ASZ1: variants seen among roughly 807,000 people sequenced by gnomAD.
The protein encoded by ASZ1 is ankyrin repeat, SAM and basic leucine zipper domain containing 1.
In ASZ1, 67 loss-of-function variants were observed where a neutral mutation model predicts 61.8. That is an observed-to-expected ratio of 1.08 (90% confidence interval 0.89 to 1.33). The LOEUF (loss-of-function observed/expected upper bound fraction) is 1.33. ASZ1 is among the 40% of genes most tolerant of loss of function. ASZ1 has a pLI of 0.00. For synonymous variants in ASZ1, 193 were observed against 192.7 expected (o/e 1.00, Z -0.01); for missense variants, 577 against 554.5 (o/e 1.04, Z -0.41).
At chr7:117,368,474 A>T in intron 11 of ASZ1, 138 bp downstream of exon 11, 1 of 1,418,340 alleles carries the variant, frequency 7.1e-7, no homozygotes, top group Non-Finnish European at 9.2e-7. Flanking sequence ...AAATTGACTT[A>T]TTTAGATCTT....
At position 117,380,026 on chromosome 7, in the gene ASZ1, G is replaced by A; in HGVS notation, c.967C>T (p.Gln323Ter). ...TTAAGAGCAGCCAGAATTTTCTGCT[G>A]GTCTTTACTGGTAATTCCATTCTAA... ...FTKNGITSKDQQKILAALKEL... is the reference protein window; with the variant it reads ...FTKNGITSKD Residue 323 changes from glutamine (Q) to a stop codon, truncating the protein, a stop_gained, in exon 10 of 13, where the codon CAG (glutamine) becomes TAG (stop). Transcript: ENST00000284629. LOFTEE classifies it high-confidence loss of function. 6.3e-7 allele frequency: 1 copy of A among 1,595,350 alleles called. No homozygotes were observed. The highest frequency in any genetic ancestry group is 8.6e-7 in the Non-Finnish European group (1 of 1,167,470).
At chr7:117,410,260 G>A (rs1177398628) in intron 4 of ASZ1, among the ~76,000 whole-genome samples, 2 of 151,534 alleles carry the variant, frequency 1.3e-5, no homozygotes, top group Non-Finnish European at 3.0e-5. Context: ...CAAAATCAGT[G>A]AAACAAATTT....
intron 4 of ASZ1, among the ~76,000 whole-genome samples, chr7:117,392,405 T>C (rs1175781242): frequency 2.6e-5 from 4 of 152,202 alleles, no homozygotes; most frequent in Non-Finnish European, 5.9e-5. Flanking sequence ...TTTACCTTCT[T>C]GGTTAGATGT....
chr7:117,413,506 A>G (rs986833511), intron 4 of ASZ1, among the ~76,000 whole-genome samples: 5 of 152,082 alleles, frequency 3.3e-5, no homozygotes, highest in Non-Finnish European at 7.4e-5. Context: ...TTAAATTTCC[A>G]TATTTGCCAG....
chr7:117,420,136 AT>A (rs762534246), intron 4 of ASZ1, 26 bp downstream of exon 4: 5 of 1,535,320 alleles, frequency 3.3e-6, no homozygotes. Context: ...TTTGACTTGA[AT>A]TTTGAACAGA....
chr7:117,379,700 C>G lies in ASZ1; in HGVS notation c.1055+238G>C, dbSNP rs115060292. Among the ~76,000 whole-genome samples, 1,198 of 151,798 alleles carry G rather than the reference C, an allele frequency of 7.9e-3. 18 individuals are homozygous for G. The highest frequency in any genetic ancestry group is 0.027 in the African/African-American group (1,135 of 41,504). On this transcript the variant is annotated intron_variant, in intron 10 of 12. Transcript: ENST00000284629. ...AGCAAGATGCAATGAAAAAATAAAA[C>G]AAAAATATTTCTATGTGAGTTAACA...
At chr7:117,401,379 CTG>C (rs1455042926) in intron 4 of ASZ1, among the ~76,000 whole-genome samples, 103 of 109,760 alleles carry the variant, frequency 9.4e-4, no homozygotes, top group African/African-American at 4.8e-3. Context: ...CATAGCAAAG[CTG>C]TTTTTTTTTT....
intron 7 of ASZ1, 35 bp downstream of exon 7, chr7:117,382,951 T>C: frequency 6.7e-6 from 10 of 1,488,768 alleles, no homozygotes; most frequent in Non-Finnish European, 9.0e-6. Flanking sequence ...ATTTTACTTA[T>C]AGGTATTCTG....
chr7:117,370,634 G>T (rs139296943), intron 10 of ASZ1, among the ~76,000 whole-genome samples: 148 of 152,162 alleles, frequency 9.7e-4, no homozygotes, highest in African/African-American at 3.3e-3. Context: ...TAACAAATAT[G>T]GGAATACAAT....
chr7:117,404,415 T>G lies in ASZ1; in HGVS notation c.440+15748A>C, dbSNP rs932514068. On this transcript the variant is annotated intron_variant, in intron 4 of 12. Transcript: ENST00000284629. ...CACTCTGATAAGCCCCTTGACTGTTTCCTTTTTTTTTTTTTTGACTCCTTT... is the reference window on the plus strand; with the variant it reads ...CACTCTGATAAGCCCCTTGACTGTTGCCTTTTTTTTTTTTTTGACTCCTTT... Among the ~76,000 whole-genome samples the G allele has an allele frequency of 8.9e-4, 98 of 110,716 alleles. 1 individual carries two copies. Among genetic ancestry groups the G allele is most frequent in the African/African-American group, 5.5e-3 (98 of 17,980 alleles). 72.6% of individuals were successfully genotyped at this position (110,716 alleles called of 152,430 possible). A position where few individuals can be genotyped will look rare whatever the true frequency, so the allele number is the denominator to read the frequency against.
intron 1 of ASZ1, 79 bp from the exon 2 acceptor site, chr7:117,427,014 T>C: frequency 7.2e-7 from 1 of 1,379,848 alleles, no homozygotes; most frequent in Non-Finnish European, 9.8e-7. Context: ...TAATGTTTGG[T>C]TAAGTACACA....
chr7:117,425,557 C>T (rs576774920), intron 2 of ASZ1, among the ~76,000 whole-genome samples: 9 of 151,986 alleles, frequency 5.9e-5, no homozygotes, highest in African/African-American at 1.7e-4. Context: ...CGTGAGCCAC[C>T]GCGCCCGGCC....
chr7:117,421,363 C>A (rs1797096612), intron 3 of ASZ1, among the ~76,000 whole-genome samples: 1 of 152,004 alleles, frequency 6.6e-6, no homozygotes, highest in Non-Finnish European at 1.5e-5. Context: ...TAAGTGTGTG[C>A]CACCACCCCT....
At chr7:117,421,482 T>C (rs1411025749) in intron 3 of ASZ1, among the ~76,000 whole-genome samples, 1 of 152,170 alleles carries the variant, frequency 6.6e-6, no homozygotes, top group East Asian at 1.9e-4. Context: ...CCCAAAGTGC[T>C]ATTGCTAGGA....
At chr7:117,368,166 A>C in intron 11 of ASZ1, 1 of 804,262 alleles carries the variant, frequency 1.2e-6, no homozygotes, top group Non-Finnish European at 1.5e-6. Context: ...GCCTCAAGCA[A>C]TTCTCCCACG....
chr7:117,387,538 A>G (rs1229726544), intron 4 of ASZ1, among the ~76,000 whole-genome samples: 2 of 152,124 alleles, frequency 1.3e-5, no homozygotes, highest in African/African-American at 4.8e-5. Flanking sequence ...CATTAACCAC[A>G]TTACTCAGGC....
chr7:117,426,587 G>C (rs1797220893), intron 2 of ASZ1, among the ~76,000 whole-genome samples: 1 of 151,902 alleles, frequency 6.6e-6, no homozygotes, highest in Non-Finnish European at 1.5e-5. Flanking sequence ...GAGTGGGATA[G>C]GATTAGAGTA....
intron 10 of ASZ1, among the ~76,000 whole-genome samples, chr7:117,372,747 T>C (rs944107352): frequency 1.3e-5 from 2 of 152,218 alleles, no homozygotes; most frequent in African/African-American, 4.8e-5. Flanking sequence ...TGACTGGTAC[T>C]ATTTTCTCTC....
At chr7:117,419,891 G>C (rs1196098440) in intron 4 of ASZ1, among the ~76,000 whole-genome samples, 1 of 152,160 alleles carries the variant, frequency 6.6e-6, no homozygotes, top group Non-Finnish European at 1.5e-5. Flanking sequence ...AGAGTAGTAT[G>C]ATTCACAAGA....
Sources: allele counts gnomAD v4.1 joint callset (sites outside exome capture counted in the v4.1 genomes callset), GRCh38; gene constraint gnomAD v4.1.1; transcripts MANE v1.5; gene names NCBI Gene and HGNC (gene_info 2026-07-23, HGNC 2026-07-21).